ZNF587B: variants seen among roughly 807,000 people sequenced by gnomAD.
ZNF587B encodes zinc finger protein 587B.
Under a neutral mutation model 7.2 loss-of-function variants are expected in ZNF587B, and 6 were observed. The ratio of observed to expected loss-of-function variants is 0.83; its 90% CI spans 0.46 to 1.65. ZNF587B has a LOEUF of 1.65. Among genes scored for constraint, ZNF587B ranks in the 40% most tolerant of loss-of-function variants. ZNF587B has a pLI of 0.01. For missense variants in ZNF587B, 749 were observed against 761.0 expected (o/e 0.98, Z 0.19); for synonymous variants, 274 against 254.3 (o/e 1.08, Z -0.74).
At chr19:57,831,174 G>A (rs962241023) in intron 1 of ZNF587B, among the ~76,000 whole-genome samples, 1 of 152,124 alleles carries the variant, frequency 6.6e-6, no homozygotes, top group Non-Finnish European at 1.5e-5. Context: ...CCTTGAGGAA[G>A]GGGCTGCCAG....
rs975004606 is a variant in ZNF587B, at chr19:57,835,303, G to A, written c.37-3720G>A. The stretch of plus-strand genomic sequence containing the variant: ...AAGGAGCAGCTAGATTTTCTAATGC[G>A]GTCGGTAAGGACATGCAAGAGGGTT... On this transcript the variant is annotated intron_variant, in intron 1 of 2. Transcript: ENST00000594901. Among the ~76,000 whole-genome samples, 13 of 119,964 alleles carry A rather than the reference G, an allele frequency of 1.1e-4. 1 individual carries two copies. The East Asian group carries it at 1.4e-3, about 13-fold the overall frequency. The allele number at this position is 119,964 out of a possible 152,430, so 78.7% of individuals were successfully genotyped here.
chr19:57,843,046 T>C lies in ZNF587B; in HGVS notation c.*470T>C. ...GGTCTCACTCCATCACCCATGCTGG[T>C]GTGCAGTGCTGCGATCGTAGCTCAC... is the stretch of plus-strand genomic sequence containing the variant. On this transcript the variant is annotated 3_prime_UTR_variant, in exon 3 of 3. Coordinates refer to ENST00000594901, the MANE Select transcript of ZNF587B (RefSeq NM_001376223.1). 1.1e-6 allele frequency: 1 copy of C among 899,780 alleles called. No homozygotes were observed. The highest frequency in any genetic ancestry group is 1.2e-4 in the East Asian group (1 of 8,406). The allele number at this position is 899,780 out of a possible 1,614,324, so 55.7% of individuals were successfully genotyped here.
Position 57,842,688 on chromosome 19 carries a change from T to G in ZNF587B, c.*112T>G. 1 of 1,341,876 alleles carries G rather than the reference T, an allele frequency of 7.5e-7. No homozygotes were observed. Among genetic ancestry groups the G allele is most frequent in the East Asian group, 2.7e-5 (1 of 36,928 alleles). 83.1% of individuals were successfully genotyped at this position (1,341,876 alleles called of 1,614,324 possible). On this transcript the variant is annotated 3_prime_UTR_variant, in exon 3 of 3. Transcript: ENST00000594901. ...TTACCCAAAAGAAGTCTGCTCTCCTTGGACATTGGAGAGTTCACACCAGAG... is the reference window on the plus strand; with the variant it reads ...TTACCCAAAAGAAGTCTGCTCTCCTGGGACATTGGAGAGTTCACACCAGAG...
intron 1 of ZNF587B, among the ~76,000 whole-genome samples, chr19:57,831,445 T>G (rs1227187341): frequency 6.6e-6 from 1 of 152,168 alleles, no homozygotes; most frequent in East Asian, 1.9e-4. Context: ...CCAGGCTGGA[T>G]GCAATGGCGT....
Position 57,842,365 on chromosome 19 carries a change from ATC to A in ZNF587B, c.1694_1695del (p.Leu565HisfsTer2). 1 of 1,604,716 alleles carries A rather than the reference ATC, an allele frequency of 6.2e-7. No homozygotes were observed. The highest frequency in any genetic ancestry group is 8.5e-7 in the Non-Finnish European group (1 of 1,175,598). ...GGGAAATCTTTTGCTGCAAGCTCCT[ATC>A]TCACTAGTCACAGGAGAGTTCACAC... On this transcript the variant is annotated frameshift_variant, in exon 3 of 3. Coordinates refer to ENST00000594901, the MANE Select transcript of ZNF587B (RefSeq NM_001376223.1). LOFTEE classifies it low-confidence loss of function (END_TRUNC).
chr19:57,832,367 G>C (rs1988448967), intron 1 of ZNF587B, among the ~76,000 whole-genome samples: 1 of 152,272 alleles, frequency 6.6e-6, no homozygotes, highest in African/African-American at 2.4e-5. Context: ...TTACAGGCGT[G>C]AGCCACTGTG....
rs771371494 is a variant in ZNF587B at position 57,843,600 on chromosome 19, G to GTTTTTTTTTTTTTTTTTT, written c.*1027_*1044dup. The GTTTTTTTTTTTTTTTTTT allele has an allele frequency of 7.6e-5, 49 of 648,690 alleles. No individual in the cohort carries two copies. The highest frequency in any genetic ancestry group is 8.1e-5 in the Non-Finnish European group (46 of 566,066). 40.2% of individuals were successfully genotyped at this position (648,690 alleles called of 1,614,324 possible). A position where few individuals can be genotyped will look rare whatever the true frequency, so the allele number is the denominator to read the frequency against. ...GTTGGTTGGTTGGTTGTTTTTTTTT[G>GTTTTTTTTTTTTTTTTTT]TTTTTTTTTTTTTTTTTTTTGGAGA... On this transcript the variant is annotated 3_prime_UTR_variant, in exon 3 of 3. Transcript: ENST00000594901.
At chr19:57,830,835 A>G (rs1988356039) in intron 1 of ZNF587B, among the ~76,000 whole-genome samples, 1 of 152,150 alleles carries the variant, frequency 6.6e-6, no homozygotes. Context: ...GCCGGCGGCC[A>G]AGAGATGGGT....
At chr19:57,836,955 C>A (rs574717781) in intron 1 of ZNF587B, among the ~76,000 whole-genome samples, 18 of 114,540 alleles carry the variant, frequency 1.6e-4, no homozygotes, top group South Asian at 5.4e-4. Flanking sequence ...AGTGAGACTC[C>A]GTCATAAAAA....
Position 57,842,982 on chromosome 19 carries a change from A to G in ZNF587B, c.*406A>G, listed in dbSNP as rs1356861621. ...CACTGTAGATGTATAGGTTAGATAT[A>G]TAGGGAATGTTATTATTTTTTCCTT... On this transcript the variant is annotated 3_prime_UTR_variant, in exon 3 of 3. Transcript: ENST00000594901. 2 of 984,836 alleles carry G rather than the reference A, an allele frequency of 2.0e-6. No homozygotes were observed. Among genetic ancestry groups the G allele is most frequent in the African/African-American group, 1.7e-5 (1 of 57,196 alleles). 61.0% of individuals were successfully genotyped at this position (984,836 alleles called of 1,614,324 possible).
rs1366359437 is a variant in ZNF587B, at chr19:57,841,568, T to C, written c.894T>C (p.Tyr298=). Residue 298 remains tyrosine (Y), a synonymous_variant, in exon 3 of 3, where the codon TAT becomes TAC. Coordinates refer to ENST00000594901, the MANE Select transcript of ZNF587B (RefSeq NM_001376223.1). ...AATTTCACACTGGAGGAAAACCTTA[T>C]GGGTGTGAAGAATGTGGGAAATATT... ...HQQFHTGGKP[Y]GCEECGKYFS... 2.5e-6 allele frequency: 4 copies of C among 1,578,310 alleles called. No homozygotes were observed. Among genetic ancestry groups the C allele is most frequent in the Non-Finnish European group, 3.4e-6 (4 of 1,161,672 alleles).
chr19:57,842,463 A>T lies in ZNF587B; in HGVS notation c.1789A>T (p.Arg597Trp), dbSNP rs1428010711. 5 of 1,599,012 alleles carry T rather than the reference A, an allele frequency of 3.1e-6. No homozygotes were observed. Among genetic ancestry groups the T allele is most frequent in the South Asian group, 1.1e-5 (1 of 88,512 alleles). ...TGGAATCTCCAGTCTCACTAATCACAGGAGAGTTCACACTGGAGAAAAGCC... is the reference window on the plus strand; with the variant it reads ...TGGAATCTCCAGTCTCACTAATCACTGGAGAGTTCACACTGGAGAAAAGCC... ...FAGISSLTNH[R>W]RVHTGEKPYG... Residue 597 changes from arginine (R) to tryptophan (W), a missense_variant, in exon 3 of 3, where the codon AGG becomes TGG. Around this residue, in one of 3 missense-constraint regions of ZNF587B, gnomAD observed 656 missense variants for 596.5 expected, o/e 1.10. Coordinates refer to ENST00000594901, the MANE Select transcript of ZNF587B (RefSeq NM_001376223.1).
chr19:57,841,634 C>T lies in ZNF587B; in HGVS notation c.960C>T (p.His320=), dbSNP rs143082827. The T allele has an allele frequency of 4.9e-5, 78 of 1,596,212 alleles. No homozygotes were observed. In the African/African-American group the frequency reaches 9.1e-4, roughly 19 times the overall value. The stretch of plus-strand genomic sequence containing the variant: ...ATCTTAGGCGCCATCAAAAAGTTCA[C>T]GCTGGAAAAGGGCCTTATGAGTGTG... ...EGYLRRHQKV[H]AGKGPYECGE... is the part of the protein sequence containing the mutation. Residue 320 remains histidine (H), a synonymous_variant, in exon 3 of 3, where the codon CAC becomes CAT. Transcript: ENST00000594901.
intron 1 of ZNF587B, among the ~76,000 whole-genome samples, chr19:57,831,453 C>T (rs1481746557): frequency 3.3e-5 from 5 of 152,146 alleles, no homozygotes; most frequent in Admixed American, 2.0e-4. Flanking sequence ...GATGCAATGG[C>T]GTGATCTCGG....
chr19:57,835,900 T>G (rs2122217921), intron 1 of ZNF587B, among the ~76,000 whole-genome samples: 1 of 150,598 alleles, frequency 6.6e-6, no homozygotes, highest in East Asian at 1.9e-4. Flanking sequence ...TGGGTCCCAT[T>G]TTGGAGGGCA....
intron 1 of ZNF587B, among the ~76,000 whole-genome samples, chr19:57,836,453 A>G (rs1282954575): frequency 3.3e-5 from 5 of 152,204 alleles, no homozygotes; most frequent in Non-Finnish European, 7.3e-5. Flanking sequence ...TCATATTGGT[A>G]TGACCACAAA....
rs1442223597 is a variant in ZNF587B, at chr19:57,842,431, CTT to C, written c.1760_1761del (p.Phe587CysfsTer8). The C allele has an allele frequency of 1.2e-6, 2 of 1,603,078 alleles. No homozygotes were observed. The highest frequency in any genetic ancestry group is 1.7e-6 in the Non-Finnish European group (2 of 1,175,264). On this transcript the variant is annotated frameshift_variant, in exon 3 of 3. Transcript: ENST00000594901. LOFTEE classifies it low-confidence loss of function (END_TRUNC). ...TATGAGTGCAGTGAATGTGGGAAAT[CTT>C]TTGCTGGAATCTCCAGTCTCACTAA... is the stretch of plus-strand genomic sequence containing the variant.
chr19:57,832,839 A>G (rs199619690), intron 1 of ZNF587B, among the ~76,000 whole-genome samples: 4,285 of 151,612 alleles, frequency 0.028, 107 homozygotes, highest in African/African-American at 0.075. Flanking sequence ...GATCTGAAAG[A>G]TTTCCCTTGA....
chr19:57,842,986 G>A lies in ZNF587B; in HGVS notation c.*410G>A. 1 of 984,778 alleles carries A rather than the reference G, an allele frequency of 1.0e-6. No individual in the cohort carries two copies. Among genetic ancestry groups the A allele is most frequent in the South Asian group, 4.7e-5 (1 of 21,258 alleles). 61.0% of individuals were successfully genotyped at this position (984,778 alleles called of 1,614,324 possible). On this transcript the variant is annotated 3_prime_UTR_variant, in exon 3 of 3. Transcript: ENST00000594901. ...GTAGATGTATAGGTTAGATATATAG[G>A]GAATGTTATTATTTTTTCCTTTTTT...
Sources: gnomAD v4.1 joint callset for allele counts (sites outside exome capture counted in the v4.1 genomes callset) on GRCh38, gnomAD v4.1.1 for gene constraint, gnomAD v4.1.1 regional missense constraint, MANE v1.5 for transcripts, NCBI Gene and HGNC (gene_info 2026-07-23, HGNC 2026-07-21) for gene names.